TPRG1: variants seen among roughly 807,000 people sequenced by gnomAD.
TPRG1 encodes tumor protein p63-regulated gene 1 protein.
Under a neutral mutation model 29.3 loss-of-function variants are expected in TPRG1, and 29 were observed. The ratio of observed to expected loss-of-function variants is 0.99; its 90% confidence interval spans 0.74 to 1.35. The LOEUF (loss-of-function observed/expected upper bound fraction) is 1.35, where lower values mean the gene tolerates loss of function less well. Among genes scored for constraint, TPRG1 ranks in the 40% most tolerant of loss-of-function variants. The probability of loss-of-function intolerance (pLI) is 0.00; values close to 1 mark genes in which losing one functional copy is unlikely to be tolerated. For missense variants in TPRG1, 327 were observed against 335.0 expected (o/e 0.98, Z 0.19); for synonymous variants, 130 against 116.8 (o/e 1.11, Z -0.73).
intron 4 of TPRG1, among the ~76,000 whole-genome samples, chr3:189,039,109 C>G (rs535907395): frequency 6.6e-6 from 1 of 152,316 alleles, no homozygotes; most frequent in East Asian, 1.9e-4. Flanking sequence ...GGAGGGAAAC[C>G]TATGCAGGGT....
intron 4 of TPRG1, among the ~76,000 whole-genome samples, chr3:189,074,843 G>C (rs190677113): frequency 6.7e-6 from 1 of 149,822 alleles, no homozygotes; most frequent in Non-Finnish European, 1.5e-5. Context: ...ACGGAGTCTC[G>C]CTCTGTCGCC....
intron 2 of TPRG1, among the ~76,000 whole-genome samples, chr3:189,208,166 A>G (rs1734702937): frequency 6.6e-6 from 1 of 152,214 alleles, no homozygotes; most frequent in Admixed American, 6.5e-5. Context: ...GGGAGCTTGT[A>G]TATCTGGATG....
chr3:189,036,287 G>A (rs1714264706), intron 4 of TPRG1, among the ~76,000 whole-genome samples: 1 of 152,094 alleles, frequency 6.6e-6, no homozygotes, highest in Admixed American at 6.5e-5. Context: ...TGGGGCTAGG[G>A]TTGAGAAACT....
chr3:189,314,901 C>T (rs7619747), intron 5 of TPRG1, among the ~76,000 whole-genome samples: 17,195 of 152,054 alleles, frequency 0.11, 1,809 homozygotes, highest in African/African-American at 0.28. Flanking sequence ...GGGAGGATTG[C>T]TTGAGGCCAG....
At chr3:189,197,730 C>T (rs1210462099) in intron 1 of TPRG1, among the ~76,000 whole-genome samples, 1 of 152,090 alleles carries the variant, frequency 6.6e-6, no homozygotes, top group Non-Finnish European at 1.5e-5. Context: ...AGGGGAGAAC[C>T]CAAGAGATCT....
chr3:189,128,254 C>T (rs1335265220), intron 2 of TPRG1, among the ~76,000 whole-genome samples: 1 of 152,192 alleles, frequency 6.6e-6, no homozygotes, highest in Non-Finnish European at 1.5e-5. Context: ...CATGGGCCGC[C>T]ATGGCCCTTG....
chr3:189,242,723 G>T (rs1457375491), intron 4 of TPRG1, among the ~76,000 whole-genome samples: 2 of 151,700 alleles, frequency 1.3e-5, no homozygotes, highest in East Asian at 3.9e-4. Flanking sequence ...GTTTGATAGA[G>T]TTAATAAGGG....
intron 4 of TPRG1, among the ~76,000 whole-genome samples, chr3:189,282,557 C>A (rs1717343199): frequency 6.6e-6 from 1 of 152,024 alleles, no homozygotes; most frequent in African/African-American, 2.4e-5. Flanking sequence ...TCTCTCTTCT[C>A]TCTCTGTCTT....
intron 4 of TPRG1, among the ~76,000 whole-genome samples, chr3:189,082,531 T>C (rs975764771): frequency 4.6e-5 from 7 of 152,202 alleles, no homozygotes; most frequent in Admixed American, 3.3e-4. Context: ...GGGCTTTATC[T>C]GCATACATGC....
At chr3:189,076,272 G>A (rs961265926) in intron 4 of TPRG1, among the ~76,000 whole-genome samples, 12 of 152,136 alleles carry the variant, frequency 7.9e-5, no homozygotes, top group African/African-American at 2.9e-4. Flanking sequence ...CCTCACAAAT[G>A]CATAATGATA....
intron 3 of TPRG1, among the ~76,000 whole-genome samples, chr3:189,217,702 G>A (rs1448415276): frequency 6.6e-6 from 1 of 152,146 alleles, no homozygotes; most frequent in Non-Finnish European, 1.5e-5. Context: ...GCTGCTAGTT[G>A]TAAAGACCAT....
At chr3:189,221,649 C>T (rs1048068188) in intron 3 of TPRG1, among the ~76,000 whole-genome samples, 1 of 152,132 alleles carries the variant, frequency 6.6e-6, no homozygotes, top group Non-Finnish European at 1.5e-5. Context: ...GAAGAGCAGC[C>T]TGGGAGACAA....
At chr3:189,273,268 G>C (rs1272525158) in intron 4 of TPRG1, among the ~76,000 whole-genome samples, 1 of 152,256 alleles carries the variant, frequency 6.6e-6, no homozygotes, top group East Asian at 1.9e-4. Flanking sequence ...AGGGCTTACT[G>C]TATGGCTGGA....
intron 4 of TPRG1, among the ~76,000 whole-genome samples, chr3:189,032,161 A>G (rs1578215063): frequency 6.6e-6 from 1 of 152,202 alleles, no homozygotes; most frequent in African/African-American, 2.4e-5. Flanking sequence ...AGTGGGCGCC[A>G]TGTAATCACA....
chr3:189,086,518 C>G (rs1159088419), intron 4 of TPRG1, among the ~76,000 whole-genome samples: 1 of 150,510 alleles, frequency 6.6e-6, no homozygotes, highest in Non-Finnish European at 1.5e-5. Context: ...TGCCACCACA[C>G]CCAGCTAATT....
intron 4 of TPRG1, among the ~76,000 whole-genome samples, chr3:189,239,374 T>G (rs1740135013): frequency 2.0e-5 from 3 of 152,134 alleles, no homozygotes. Context: ...TCCCCCTGGT[T>G]CCCTCCCACA....
rs1038090549 is a variant in TPRG1 at position 189,317,858 on chromosome 3, A to G, written c.634-2768A>G. Among the ~76,000 whole-genome samples the G allele has an allele frequency of 1.4e-4, 22 of 152,288 alleles. No homozygotes were observed. In the East Asian group the frequency reaches 3.5e-3, roughly 24 times the overall value. On this transcript the variant is annotated intron_variant, in intron 5 of 5. Coordinates refer to ENST00000345063, the MANE Select transcript of TPRG1 (RefSeq NM_198485.4). ...CTTGTATGTGTGTGCATATATCTGC[A>G]TGTGTTCAGAGAGGAGGGTTGAGGC... is the stretch of plus-strand genomic sequence containing the variant.
At chr3:189,304,394 G>T (rs990057697) in intron 4 of TPRG1, among the ~76,000 whole-genome samples, 5 of 152,038 alleles carry the variant, frequency 3.3e-5, no homozygotes, top group Admixed American at 1.3e-4. Context: ...GAACATTGCC[G>T]ATCTGCTTTA....
chr3:189,188,393 A>G (rs1038310835), intron 1 of TPRG1, among the ~76,000 whole-genome samples: 3 of 152,314 alleles, frequency 2.0e-5, no homozygotes, highest in Admixed American at 6.5e-5. Context: ...GTTTCAGACC[A>G]GCATTTTTGA....
Sources: gnomAD v4.1 joint callset for allele counts (sites outside exome capture counted in the v4.1 genomes callset) on GRCh38, gnomAD v4.1.1 for gene constraint, MANE v1.5 for transcripts, NCBI Gene and HGNC (gene_info 2026-07-23, HGNC 2026-07-21) for gene names.